TMEM132B: variants seen among roughly 807,000 people sequenced by gnomAD.
TMEM132B encodes the protein transmembrane protein 132B.
Under a neutral mutation model 90.8 loss-of-function variants are expected in TMEM132B, and 18 were observed. The ratio of observed to expected loss-of-function variants is 0.20; its 90% CI spans 0.14 to 0.29. The LOEUF is 0.29. Among genes scored for constraint, TMEM132B ranks in the 10% least tolerant of loss-of-function variants. The pLI, the probability that TMEM132B is intolerant of heterozygous loss-of-function variation, is 1.00. For missense variants in TMEM132B, 1,096 were observed against 1,326.8 expected, an observed-to-expected ratio of 0.83 and a Z score of 2.70; for synonymous variants, 504 against 523.3, an observed-to-expected ratio of 0.96 and a Z score of 0.50.
rs531117618 is a variant in TMEM132B at position 125,310,636 on chromosome 12, C to T, written c.68-38816C>T. 3.3e-4 allele frequency among the ~76,000 whole-genome samples: 51 copies of T among 152,310 alleles called. No individual in the cohort carries two copies. The South Asian group carries it at 4.6e-3, about 14-fold the overall frequency. On this transcript the variant is annotated intron_variant, in intron 1 of 8. Coordinates refer to ENST00000682704, the MANE Select transcript of TMEM132B (RefSeq NM_001366854.1). ...GGAAAGCTCCCAGCCACGGGTCCCCCGTGGGGCTGTCTCTCAGTGGCTGCT... is the reference window on the plus strand; with the variant it reads ...GGAAAGCTCCCAGCCACGGGTCCCCTGTGGGGCTGTCTCTCAGTGGCTGCT...
intron 5 of TMEM132B, among the ~76,000 whole-genome samples, chr12:125,623,413 G>A (rs1886159255): frequency 6.6e-6 from 1 of 152,044 alleles, no homozygotes; most frequent in Non-Finnish European, 1.5e-5. Context: ...TTTGGACAGG[G>A]CTTTTTCTCC....
intron 3 of TMEM132B, among the ~76,000 whole-genome samples, chr12:125,477,974 G>T (rs943309539): frequency 1.3e-5 from 2 of 152,146 alleles, no homozygotes; most frequent in African/African-American, 4.8e-5. Flanking sequence ...AGGCAAACAG[G>T]GTCTGAAGTG....
At chr12:125,426,788 T>G (rs2136389331) in intron 3 of TMEM132B, among the ~76,000 whole-genome samples, 1 of 152,350 alleles carries the variant, frequency 6.6e-6, no homozygotes, top group South Asian at 2.1e-4. Context: ...TTACAGTCCT[T>G]TTGAGAATCA....
At chr12:125,232,627 G>A (rs1407160982) in intron 1 of TMEM132B, among the ~76,000 whole-genome samples, 1 of 152,188 alleles carries the variant, frequency 6.6e-6, no homozygotes, top group African/African-American at 2.4e-5. Context: ...AGACAGGGAT[G>A]TGCTATAAAT....
intron 2 of TMEM132B, among the ~76,000 whole-genome samples, chr12:125,362,984 C>T (rs983886600): frequency 6.6e-6 from 1 of 152,104 alleles, no homozygotes; most frequent in Admixed American, 6.6e-5. Context: ...ATTCTCCCAT[C>T]AGTGGGCATT....
chr12:125,538,100 C>CA (rs1883859653), intron 4 of TMEM132B, among the ~76,000 whole-genome samples: 1 of 152,222 alleles, frequency 6.6e-6, no homozygotes, highest in South Asian at 2.1e-4. Context: ...TGAAAGCTCA[C>CA]AGAGTGCATC....
intron 3 of TMEM132B, among the ~76,000 whole-genome samples, chr12:125,472,111 G>A (rs1251731419): frequency 6.6e-6 from 1 of 152,204 alleles, no homozygotes; most frequent in Non-Finnish European, 1.5e-5. Context: ...GAGACTCAGG[G>A]AAGCAATTCT....
At chr12:125,226,884 A>G (rs550733886) in intron 1 of TMEM132B, among the ~76,000 whole-genome samples, 1 of 152,330 alleles carries the variant, frequency 6.6e-6, no homozygotes, top group East Asian at 1.9e-4. Context: ...TGCATGTTTA[A>G]CGCCTAGCTG....
rs1384349270 is a variant in TMEM132B at position 125,656,051 on chromosome 12, A to G, written c.*1341A>G. On this transcript the variant is annotated 3_prime_UTR_variant, in exon 9 of 9. Coordinates refer to ENST00000682704, the MANE Select transcript of TMEM132B (RefSeq NM_001366854.1). ...AAAACCACAGCTATTGAAAAATTAA[A>G]ACGGCAAGAGAAAAAAAGAAACAAC... is the stretch of plus-strand genomic sequence containing the variant. The G allele has an allele frequency of 1.3e-5, 2 of 152,198 alleles. No individual in the cohort carries two copies. The highest frequency in any genetic ancestry group is 3.8e-4 in the East Asian group (2 of 5,204). The allele number at this position is 152,198 out of a possible 1,614,324, so 9.4% of individuals were successfully genotyped here. A position where few individuals can be genotyped will look rare whatever the true frequency, so the allele number is the denominator to read the frequency against.
intron 4 of TMEM132B, among the ~76,000 whole-genome samples, chr12:125,549,930 A>G (rs1447979845): frequency 2.0e-5 from 3 of 152,166 alleles, no homozygotes; most frequent in East Asian, 3.9e-4. Flanking sequence ...GTTGCTGGTC[A>G]TCTCCTACAC....
At chr12:125,321,871 T>C (rs1876433998) in intron 1 of TMEM132B, among the ~76,000 whole-genome samples, 1 of 152,148 alleles carries the variant, frequency 6.6e-6, no homozygotes, top group East Asian at 1.9e-4. Context: ...AAGACCTGTT[T>C]ATAAATGTTT....
chr12:125,369,381 A>G (rs1272296156), intron 2 of TMEM132B, among the ~76,000 whole-genome samples: 1 of 152,220 alleles, frequency 6.6e-6, no homozygotes, highest in Non-Finnish European at 1.5e-5. Context: ...CTTTGGGTAT[A>G]TACCCAGTAA....
At chr12:125,561,040 A>T (rs931511083) in intron 4 of TMEM132B, among the ~76,000 whole-genome samples, 3 of 152,264 alleles carry the variant, frequency 2.0e-5, no homozygotes, top group East Asian at 1.9e-4. Flanking sequence ...CCAAAGGATT[A>T]TAAATCATTC....
At chr12:125,271,705 C>A (rs1329299787) in intron 1 of TMEM132B, among the ~76,000 whole-genome samples, 3 of 151,962 alleles carry the variant, frequency 2.0e-5, no homozygotes, top group Admixed American at 6.6e-5. Context: ...ATGAAGAGGC[C>A]ATGTTTCCCA....
At chr12:125,410,637 GT>G (rs1444914609) in intron 2 of TMEM132B, among the ~76,000 whole-genome samples, 3 of 6,570 alleles carry the variant, frequency 4.6e-4, no homozygotes, top group Non-Finnish European at 7.8e-4. Flanking sequence ...GTGGAGTGGA[GT>G]GAGTGGAGTG....
intron 3 of TMEM132B, among the ~76,000 whole-genome samples, chr12:125,422,798 A>G (rs776094868): frequency 2.0e-5 from 3 of 152,176 alleles, no homozygotes; most frequent in Non-Finnish European, 4.4e-5. Flanking sequence ...GAGGTGAGAC[A>G]CTGATTGTCC....
intron 5 of TMEM132B, among the ~76,000 whole-genome samples, chr12:125,629,934 A>G (rs904729255): frequency 6.6e-6 from 1 of 152,174 alleles, no homozygotes; most frequent in African/African-American, 2.4e-5. Context: ...GACATGATGT[A>G]TCACATTAAT....
At chr12:125,257,153 C>CA (rs1211991553) in intron 1 of TMEM132B, among the ~76,000 whole-genome samples, 1 of 151,898 alleles carries the variant, frequency 6.6e-6, no homozygotes, top group Non-Finnish European at 1.5e-5. Flanking sequence ...CTCTCAGAAA[C>CA]AAAAAAATCT....
At chr12:125,487,042 G>A (rs1277696239) in intron 3 of TMEM132B, among the ~76,000 whole-genome samples, 2 of 152,148 alleles carry the variant, frequency 1.3e-5, no homozygotes, top group Admixed American at 6.5e-5. Context: ...GACTGTGGAA[G>A]CTCTCATCTG....
Sources: gnomAD v4.1 joint callset for allele counts (sites outside exome capture counted in the v4.1 genomes callset) on GRCh38, gnomAD v4.1.1 for gene constraint, MANE v1.5 for transcripts, NCBI Gene and HGNC (gene_info 2026-07-23, HGNC 2026-07-21) for gene names.